Variants in MAP4K3 observed in about 807,000 individuals in gnomAD.
MAP4K3 encodes mitogen-activated protein kinase kinase kinase kinase 3.
In MAP4K3, 94 loss-of-function variants were observed where a neutral mutation model predicts 143.5. That is an observed-to-expected ratio of 0.65 (90% CI 0.55 to 0.78). MAP4K3 has a LOEUF of 0.78. Ranked by LOEUF, MAP4K3 falls within the 30% of genes least tolerant of loss-of-function variation. The probability of loss-of-function intolerance (pLI) is 0.00; values close to 1 mark genes in which losing one functional copy is unlikely to be tolerated. For synonymous variants in MAP4K3, 416 were observed against 347.2 expected, an observed-to-expected ratio of 1.20 and a Z score of -2.20; for missense variants, 1,077 against 1,068.1, an observed-to-expected ratio of 1.01 and a Z score of -0.12.
intron 1 of MAP4K3, among the ~76,000 whole-genome samples, chr2:39,423,839 T>C (rs1664968141): frequency 6.6e-6 from 1 of 152,208 alleles, no homozygotes; most frequent in African/African-American, 2.4e-5. Context: ...ACTATACTGA[T>C]GGAAACATTT....
intron 15 of MAP4K3, 73 bp from the exon 16 acceptor site, chr2:39,299,874 A>G: frequency 1.8e-6 from 1 of 554,394 alleles, no homozygotes; most frequent in Non-Finnish European, 2.9e-6. Flanking sequence ...TATATATAAT[A>G]CATATTATTT....
At chr2:39,295,596 A>G (rs2148483562) in intron 16 of MAP4K3, among the ~76,000 whole-genome samples, 1 of 152,238 alleles carries the variant, frequency 6.6e-6, no homozygotes, top group Non-Finnish European at 1.5e-5. Flanking sequence ...TTTGTTAAGC[A>G]CATGACAATC....
intron 1 of MAP4K3, among the ~76,000 whole-genome samples, chr2:39,413,582 T>C (rs764546320): frequency 6.6e-6 from 1 of 152,172 alleles, no homozygotes; most frequent in East Asian, 1.9e-4. Flanking sequence ...ATCCATTGAC[T>C]GTACATGCAA....
chr2:39,259,280 A>G (rs1680467433), intron 29 of MAP4K3, among the ~76,000 whole-genome samples: 1 of 152,196 alleles, frequency 6.6e-6, no homozygotes, highest in Admixed American at 6.5e-5. Flanking sequence ...ATTCACGGAA[A>G]TGAAAATTCT....
chr2:39,424,979 A>C (rs1440329810), intron 1 of MAP4K3, among the ~76,000 whole-genome samples: 3 of 152,194 alleles, frequency 2.0e-5, no homozygotes, highest in Non-Finnish European at 4.4e-5. Flanking sequence ...TGTATTATCT[A>C]TAAGATGTGG....
At chr2:39,251,804 G>A (rs1367531858) in intron 33 of MAP4K3, 26 bp downstream of exon 33, 3 of 1,595,186 alleles carry the variant, frequency 1.9e-6, no homozygotes, top group African/African-American at 2.7e-5. Flanking sequence ...TTAGTACTGT[G>A]TATTTAATAC....
chr2:39,394,583 G>C (rs1666754059), intron 1 of MAP4K3, among the ~76,000 whole-genome samples: 1 of 152,118 alleles, frequency 6.6e-6, no homozygotes, highest in African/African-American at 2.4e-5. Context: ...TAGTGGAGGA[G>C]GGCCATTCCT....
intron 4 of MAP4K3, among the ~76,000 whole-genome samples, chr2:39,338,193 T>C (rs918523170): frequency 3.3e-5 from 5 of 152,180 alleles, no homozygotes; most frequent in African/African-American, 9.7e-5. Flanking sequence ...TCACTGAAAT[T>C]AATTATATTC....
intron 4 of MAP4K3, among the ~76,000 whole-genome samples, chr2:39,342,836 A>G (rs929707136): frequency 6.6e-6 from 1 of 152,126 alleles, no homozygotes; most frequent in Non-Finnish European, 1.5e-5. Flanking sequence ...TCAAAAGCCT[A>G]CTCTACAGTT....
intron 2 of MAP4K3, among the ~76,000 whole-genome samples, chr2:39,369,249 G>A (rs897908812): frequency 2.5e-5 from 3 of 120,268 alleles, no homozygotes; most frequent in Non-Finnish European, 4.8e-5. Flanking sequence ...AGGCTAGAGT[G>A]CAGTGGTGTG....
In MAP4K3 at chr2:39,267,407, C is replaced by T. The variant is rs1680810162; in HGVS notation, c.1974-160G>A. ...AATAAAAAGGCCGGGTGCCATGGCA[C>T]GTTGCCTGTAATCCCAGCACTTTGG... On this transcript the variant is annotated intron_variant, in intron 26 of 33. Coordinates refer to ENST00000263881, the MANE Select transcript of MAP4K3 (RefSeq NM_003618.4). 1.2e-5 allele frequency: 7 copies of T among 605,518 alleles called. No individual in the cohort carries two copies. The East Asian group carries it at 1.2e-4, about 10-fold the overall frequency. The allele number at this position is 605,518 out of a possible 1,614,324, so 37.5% of individuals were successfully genotyped here.
intron 6 of MAP4K3, among the ~76,000 whole-genome samples, chr2:39,333,961 T>TGTGTGTGTG (rs1683773450): frequency 1.1e-4 from 16 of 144,142 alleles, no homozygotes; most frequent in African/African-American, 2.8e-4. Context: ...TTTCCCATTT[T>TGTGTGTGTG]TGTGTGTGTG....
rs1266409019 is a variant in MAP4K3 at position 39,280,324 on chromosome 2, C to T, written c.1662G>A (p.Gly554=). 1.2e-6 allele frequency: 2 copies of T among 1,603,912 alleles called. No homozygotes were observed. Among genetic ancestry groups the T allele is most frequent in the East Asian group, 4.5e-5 (2 of 44,578 alleles). Residue 554 remains glycine, a synonymous_variant, in exon 23 of 34, where the codon GGG becomes GGA. Coordinates refer to ENST00000263881, the MANE Select transcript of MAP4K3 (RefSeq NM_003618.4). Reference sequence around the variant, plus strand: ...ATGCACAGTGAATTTTCAAGGGACACCCATTAAAAACTTTTGAAAAACATG... The same window carrying T: ...ATGCACAGTGAATTTTCAAGGGACATCCATTAAAAACTTTTGAAAAACATG... ...MGACFSKVFN[G]CPLKIHCASS...
intron 32 of MAP4K3, among the ~76,000 whole-genome samples, chr2:39,253,534 A>T (rs1680231231): frequency 6.6e-6 from 1 of 152,176 alleles, no homozygotes; most frequent in South Asian, 2.1e-4. Flanking sequence ...AGATGAAAAA[A>T]TATAGGTAGA....
At chr2:39,412,544 T>A (rs1384569299) in intron 1 of MAP4K3, among the ~76,000 whole-genome samples, 1 of 151,604 alleles carries the variant, frequency 6.6e-6, no homozygotes, top group East Asian at 1.9e-4. Flanking sequence ...TGACTTGAGA[T>A]AAGCTATTAA....
At chr2:39,322,935 G>A (rs1683361508) in intron 12 of MAP4K3, among the ~76,000 whole-genome samples, 1 of 152,106 alleles carries the variant, frequency 6.6e-6, no homozygotes, top group African/African-American at 2.4e-5. Flanking sequence ...CTTCCAGAGT[G>A]CTGGGATTAC....
intron 1 of MAP4K3, among the ~76,000 whole-genome samples, chr2:39,386,742 C>T (rs943849169): frequency 6.6e-5 from 10 of 150,744 alleles, no homozygotes; most frequent in African/African-American, 2.4e-4. Context: ...CCATGTTGAT[C>T]TATATTGATC....
intron 1 of MAP4K3, among the ~76,000 whole-genome samples, chr2:39,425,611 C>T (rs1441786067): frequency 1.3e-5 from 2 of 152,136 alleles, no homozygotes; most frequent in Non-Finnish European, 2.9e-5. Context: ...AAGAGAGCAT[C>T]ACTAGAAACC....
At chr2:39,374,006 T>C (rs1407620229) in intron 2 of MAP4K3, among the ~76,000 whole-genome samples, 5 of 152,216 alleles carry the variant, frequency 3.3e-5, no homozygotes. Flanking sequence ...AGATGACAGA[T>C]ATCCATCTAC....
Sources: allele counts gnomAD v4.1 joint callset (sites outside exome capture counted in the v4.1 genomes callset), GRCh38; gene constraint gnomAD v4.1.1; transcripts MANE v1.5; gene names NCBI Gene and HGNC (gene_info 2026-07-23, HGNC 2026-07-21).